The following ABCA4 variants were observed in gnomAD, a reference collection of about 807,000 sequenced individuals.
ABCA4 encodes ATP binding cassette subfamily A member 4, also known as retinal-specific phospholipid-transporting ATPase ABCA4.
Under a neutral mutation model 263.7 loss-of-function variants are expected in ABCA4, and 196 were observed. The ratio of observed to expected loss-of-function variants is 0.74; its 90% CI spans 0.66 to 0.84. ABCA4 has a LOEUF of 0.84. Ranked by LOEUF, ABCA4 falls within the 40% of genes least tolerant of loss-of-function variation. ABCA4 has a pLI of 0.00. For synonymous variants in ABCA4, 1,133 were observed against 1,094.2 expected (o/e 1.04, Z -0.70); for missense variants, 2,792 against 2,855.1 (o/e 0.98, Z 0.50).
chr1:94,108,176 G>T (rs1339150979), intron 4 of ABCA4, among the ~76,000 whole-genome samples: 1 of 152,204 alleles, frequency 6.6e-6, no homozygotes, highest in Non-Finnish European at 1.5e-5. Flanking sequence ...GCTCCTTAAT[G>T]ATAGTTGGCC....
At chr1:94,102,100 A>C (rs577260498) in intron 5 of ABCA4, among the ~76,000 whole-genome samples, 1 of 152,174 alleles carries the variant, frequency 6.6e-6, no homozygotes, top group Non-Finnish European at 1.5e-5. Flanking sequence ...CAGACGCGCA[A>C]GCCTCCTTCT....
chr1:94,010,822 G>A lies in ABCA4; in HGVS notation c.5692C>T (p.Arg1898Cys), dbSNP rs201357151. The A allele has an allele frequency of 1.8e-4, 291 of 1,614,124 alleles. No individual in the cohort carries two copies. The highest frequency in any genetic ancestry group is 4.9e-4 in the Middle Eastern group (3 of 6,062). Residue 1898 changes from arginine to cysteine, a missense_variant, in exon 40 of 50, where the codon CGC becomes TGC. Arg to Cys is a radical substitution (Grantham distance 180). Coordinates refer to ENST00000370225, the MANE Select transcript of ABCA4 (RefSeq NM_000350.3). ...TACCATTGGGAGAGGAAGAAGTGGC[G>A]CTGGACCAGCAGGGTCAGGAGGAAG... ...VYFLLTLLVQ[R>C]HFFLSQWIAE...
chr1:94,100,578 G>T (rs939686349), intron 5 of ABCA4, among the ~76,000 whole-genome samples: 4 of 152,180 alleles, frequency 2.6e-5, no homozygotes, highest in African/African-American at 9.7e-5. Context: ...ATTTCACTGA[G>T]GAGGCAACAT....
intron 40 of ABCA4, among the ~76,000 whole-genome samples, chr1:94,009,767 T>C (rs1278794655): frequency 6.6e-6 from 1 of 152,118 alleles, no homozygotes; most frequent in African/African-American, 2.4e-5. Context: ...GACATCAGAG[T>C]TTGAAGCTAA....
chr1:94,081,659 T>C (rs920171857), intron 7 of ABCA4, among the ~76,000 whole-genome samples: 1 of 152,148 alleles, frequency 6.6e-6, no homozygotes, highest in Admixed American at 6.5e-5. Flanking sequence ...TTCTAGCAAA[T>C]ACAGAACAGA....
intron 48 of ABCA4, 31 bp from the exon 49 acceptor site, chr1:93,996,226 G>A (rs778154998): frequency 1.3e-6 from 2 of 1,554,744 alleles, no homozygotes; most frequent in African/African-American, 2.7e-5. Flanking sequence ...AGATTAGGTA[G>A]ATATTTCCAG....
At chr1:94,004,482 T>C (rs1280941790) in intron 44 of ABCA4, among the ~76,000 whole-genome samples, 1 of 152,222 alleles carries the variant, frequency 6.6e-6, no homozygotes, top group East Asian at 1.9e-4. Flanking sequence ...TTTGTAGTTC[T>C]TCTCCCCCGC....
In ABCA4 at chr1:94,107,359, T is replaced by C. The variant is rs553869204; in HGVS notation, c.442+1218A>G. Among the ~76,000 whole-genome samples, 28 of 152,146 alleles carry C rather than the reference T, an allele frequency of 1.8e-4. 1 individual carries two copies. The highest frequency in any genetic ancestry group is 3.1e-4 in the Non-Finnish European group (21 of 68,026). The stretch of plus-strand genomic sequence containing the variant: ...CCAAAGCTGCAGCAACCCCTGGATT[T>C]TGGGGGGCTTTACTTCCTCACGACC... On this transcript the variant is annotated intron_variant, in intron 4 of 49. Coordinates refer to ENST00000370225, the MANE Select transcript of ABCA4 (RefSeq NM_000350.3).
At chr1:94,102,429 G>A (rs1662308650) in intron 5 of ABCA4, among the ~76,000 whole-genome samples, 1 of 151,876 alleles carries the variant, frequency 6.6e-6, no homozygotes, top group African/African-American at 2.4e-5. Context: ...CACTTACTGT[G>A]TGGCTGACAG....
chr1:94,046,473 A>AAAAAAAAAAAAAAAAAAAAAAAG (rs71094277), intron 19 of ABCA4, among the ~76,000 whole-genome samples: 2 of 120,744 alleles, frequency 1.7e-5, no homozygotes, highest in Admixed American at 9.2e-5. Context: ...AAAAAAAAAA[A>AAAAAAAAAAAAAAAAAAAAAAAG]AAAGAAAAGA....
At chr1:94,044,172 G>C (rs528609405) in intron 20 of ABCA4, among the ~76,000 whole-genome samples, 103 of 146,136 alleles carry the variant, frequency 7.0e-4, no homozygotes, top group Middle Eastern at 3.9e-3. Context: ...ACTATGCGTA[G>C]CTTCTTAGAT....
chr1:94,084,627 A>C (rs1213736779), intron 6 of ABCA4, among the ~76,000 whole-genome samples: 1 of 152,230 alleles, frequency 6.6e-6, no homozygotes, highest in Non-Finnish European at 1.5e-5. Flanking sequence ...ATTGTGAAAT[A>C]AAAGGCCTTG....
chr1:94,014,321 G>C lies in ABCA4; in HGVS notation c.5460+222C>G, dbSNP rs72958420. 0.018 allele frequency among the ~76,000 whole-genome samples: 2,657 copies of C among 144,932 alleles called. 84 individuals are homozygous for C. Among genetic ancestry groups the C allele is most frequent in the African/African-American group, 0.064 (2,518 of 39,126 alleles). The stretch of plus-strand genomic sequence containing the variant: ...AGCAATGAAAAAGGAAGGAAGGAGG[G>C]ACGGGGGAAGGAGGGAGGAGGGAGG... On this transcript the variant is annotated intron_variant, in intron 38 of 49. Coordinates refer to ENST00000370225, the MANE Select transcript of ABCA4 (RefSeq NM_000350.3).
chr1:94,044,219 A>C (rs1660607001), intron 20 of ABCA4, among the ~76,000 whole-genome samples: 1 of 152,146 alleles, frequency 6.6e-6, no homozygotes, highest in South Asian at 2.1e-4. Flanking sequence ...AAAAAAAGTA[A>C]CTGAAAAGCC....
chr1:94,101,795 A>G (rs571584726), intron 5 of ABCA4, among the ~76,000 whole-genome samples: 1 of 152,346 alleles, frequency 6.6e-6, no homozygotes, highest in African/African-American at 2.4e-5. Context: ...GGGAGCCCAG[A>G]AGGCCCAGAG....
chr1:94,054,405 G>C (rs1660915871), intron 16 of ABCA4, among the ~76,000 whole-genome samples: 1 of 152,204 alleles, frequency 6.6e-6, no homozygotes, highest in Non-Finnish European at 1.5e-5. Context: ...CTGGAGGAAT[G>C]TTGTTTACAG....
At chr1:94,102,188 C>A (rs1326177851) in intron 5 of ABCA4, among the ~76,000 whole-genome samples, 1 of 152,122 alleles carries the variant, frequency 6.6e-6, no homozygotes, top group African/African-American at 2.4e-5. Context: ...TAAGAATGCT[C>A]TGCATAAATA....
At chr1:94,019,518 G>C (rs1659836052) in intron 36 of ABCA4, 64 bp downstream of exon 36, 1 of 1,524,276 alleles carries the variant, frequency 6.6e-7, no homozygotes, top group African/African-American at 1.4e-5. Flanking sequence ...TGGTCCTTCA[G>C]AGCACACACA....
At chr1:94,007,901 C>T (rs1659436912) in intron 42 of ABCA4, 161 bp from the exon 43 acceptor site, 1 of 718,376 alleles carries the variant, frequency 1.4e-6, no homozygotes, top group South Asian at 1.5e-5. Flanking sequence ...TGAAACACAT[C>T]TAAGTCCCAG....
Sources: allele counts gnomAD v4.1 joint callset (sites outside exome capture counted in the v4.1 genomes callset), GRCh38; gene constraint gnomAD v4.1.1; transcripts MANE v1.5; gene names NCBI Gene and HGNC (gene_info 2026-07-23, HGNC 2026-07-21).